AGBL4: variants seen among roughly 807,000 people sequenced by gnomAD.
AGBL4 encodes AGBL carboxypeptidase 4, also known as cytosolic carboxypeptidase 6.
In AGBL4, 58 loss-of-function variants were observed where a neutral mutation model predicts 66.4. The ratio of observed to expected loss-of-function variants is 0.87; its 90% CI spans 0.71 to 1.09. The LOEUF (loss-of-function observed/expected upper bound fraction) is 1.09, where lower values mean the gene tolerates loss of function less well. Ranked by LOEUF, AGBL4 falls within the 50% of genes least tolerant of loss-of-function variation. The pLI is 0.00. For missense variants in AGBL4, 579 were observed against 631.0 expected, an observed-to-expected ratio of 0.92 and a Z score of 0.88; for synonymous variants, 234 against 222.9, an observed-to-expected ratio of 1.05 and a Z score of -0.44.
Position 48,654,169 on chromosome 1 carries a change from T to G in AGBL4, c.725-718A>C, listed in dbSNP as rs547587226. ...CCAGGCAGTCCCCATGTCCTTTTCTTGAATGGAGCAAATCTTCCCCTCTTC... is the reference window on the plus strand; with the variant it reads ...CCAGGCAGTCCCCATGTCCTTTTCTGGAATGGAGCAAATCTTCCCCTCTTC... On this transcript the variant is annotated intron_variant, in intron 7 of 13. Transcript: ENST00000371839. Among the ~76,000 whole-genome samples the G allele has an allele frequency of 1.4e-3, 215 of 152,280 alleles. 3 individuals are homozygous for G. The South Asian group carries it at 0.04, about 29-fold the overall frequency.
intron 3 of AGBL4, among the ~76,000 whole-genome samples, chr1:49,352,934 C>G (rs1325841780): frequency 1.3e-5 from 2 of 152,178 alleles, no homozygotes; most frequent in African/African-American, 4.8e-5. Context: ...GTAACACTGC[C>G]TCTATCTTTA....
chr1:48,977,730 G>A (rs963709011), intron 5 of AGBL4, among the ~76,000 whole-genome samples: 1 of 152,102 alleles, frequency 6.6e-6, no homozygotes, highest in South Asian at 2.1e-4. Context: ...GTATTGGCTG[G>A]GGAGACTGAT....
At chr1:49,279,573 T>G (rs1259693050) in intron 3 of AGBL4, among the ~76,000 whole-genome samples, 1 of 152,126 alleles carries the variant, frequency 6.6e-6, no homozygotes, top group Admixed American at 6.5e-5. Flanking sequence ...CGTCTTTTTT[T>G]TTTTCAGCTA....
chr1:49,512,686 C>T (rs982899111), intron 3 of AGBL4, among the ~76,000 whole-genome samples: 5 of 151,864 alleles, frequency 3.3e-5, no homozygotes, highest in African/African-American at 1.2e-4. Flanking sequence ...GAACCATGAG[C>T]CAATTAAACC....
chr1:48,583,855 T>TC (rs1181332685), intron 11 of AGBL4: 1 of 149,734 alleles, frequency 6.7e-6, no homozygotes, highest in Non-Finnish European at 1.5e-5. Flanking sequence ...AAATGAGAGT[T>TC]TTTTTTTTTT....
intron 1 of AGBL4, among the ~76,000 whole-genome samples, chr1:49,981,742 G>A (rs1340596874): frequency 6.6e-6 from 1 of 152,088 alleles, no homozygotes; most frequent in Non-Finnish European, 1.5e-5. Flanking sequence ...GATAATAAAT[G>A]TGTGCTATTA....
chr1:49,033,319 A>T (rs1204379041), intron 5 of AGBL4, among the ~76,000 whole-genome samples: 1 of 152,142 alleles, frequency 6.6e-6, no homozygotes, highest in Non-Finnish European at 1.5e-5. Context: ...TGAGAGGTGG[A>T]TTAGGGGCTG....
At chr1:49,853,106 A>C (rs553596699) in intron 1 of AGBL4, among the ~76,000 whole-genome samples, 1 of 152,336 alleles carries the variant, frequency 6.6e-6, no homozygotes, top group African/African-American at 2.4e-5. Context: ...AGACATAGCC[A>C]AAATATCAAG....
At chr1:49,267,291 G>A (rs1643943461) in intron 3 of AGBL4, among the ~76,000 whole-genome samples, 1 of 152,164 alleles carries the variant, frequency 6.6e-6, no homozygotes, top group Non-Finnish European at 1.5e-5. Context: ...ACTGAGATCA[G>A]GGCAAAATCC....
chr1:49,345,440 T>A (rs1254184293), intron 3 of AGBL4, among the ~76,000 whole-genome samples: 1 of 152,120 alleles, frequency 6.6e-6, no homozygotes, highest in African/African-American at 2.4e-5. Flanking sequence ...TGATGAATAC[T>A]CTTTAATGTA....
intron 3 of AGBL4, among the ~76,000 whole-genome samples, chr1:49,544,135 T>C (rs1652291928): frequency 6.6e-6 from 1 of 152,210 alleles, no homozygotes; most frequent in South Asian, 2.1e-4. Flanking sequence ...TTTTCAGGAA[T>C]GCCCTGCTTT....
intron 3 of AGBL4, among the ~76,000 whole-genome samples, chr1:49,470,702 G>A (rs979263020): frequency 1.3e-5 from 2 of 151,958 alleles, no homozygotes; most frequent in Non-Finnish European, 2.9e-5. Context: ...ATAATCTGAC[G>A]ACCTGGAAGT....
intron 5 of AGBL4, among the ~76,000 whole-genome samples, chr1:48,986,941 C>T (rs1660222457): frequency 6.6e-6 from 1 of 151,802 alleles, no homozygotes. Context: ...ATACTACAAA[C>T]CCTACATAAG....
chr1:49,637,947 T>C (rs1328515875), intron 3 of AGBL4, among the ~76,000 whole-genome samples: 1 of 152,132 alleles, frequency 6.6e-6, no homozygotes, highest in Non-Finnish European at 1.5e-5. Flanking sequence ...AAAATATATT[T>C]CTAAACTAAT....
intron 3 of AGBL4, among the ~76,000 whole-genome samples, chr1:49,612,567 A>T (rs1328281699): frequency 6.6e-6 from 1 of 152,228 alleles, no homozygotes; most frequent in Non-Finnish European, 1.5e-5. Flanking sequence ...AAGTGGGCAA[A>T]GGACATGAAC....
chr1:48,544,994 G>A (rs766917531), intron 11 of AGBL4, among the ~76,000 whole-genome samples: 13 of 152,306 alleles, frequency 8.5e-5, no homozygotes, highest in South Asian at 8.3e-4. Context: ...GAGCCATTTC[G>A]TTTCCCTGAG....
intron 3 of AGBL4, among the ~76,000 whole-genome samples, chr1:49,342,754 AT>A (rs1273377620): frequency 6.6e-6 from 1 of 152,116 alleles, no homozygotes; most frequent in Non-Finnish European, 1.5e-5. Context: ...TTTGCCATTT[AT>A]TGATTCTTTT....
chr1:49,877,161 G>A (rs1014792926), intron 1 of AGBL4, among the ~76,000 whole-genome samples: 1 of 151,408 alleles, frequency 6.6e-6, no homozygotes, highest in African/African-American at 2.4e-5. Flanking sequence ...TCCGTCTCCT[G>A]TGTGATTGCC....
chr1:48,632,518 G>T (rs1442853184), intron 9 of AGBL4, among the ~76,000 whole-genome samples: 1 of 151,978 alleles, frequency 6.6e-6, no homozygotes, highest in Non-Finnish European at 1.5e-5. Flanking sequence ...CTCTCTTTGG[G>T]GATTTAACTA....
Sources: allele counts gnomAD v4.1 joint callset (sites outside exome capture counted in the v4.1 genomes callset), GRCh38; gene constraint gnomAD v4.1.1; transcripts MANE v1.5; gene names NCBI Gene and HGNC (gene_info 2026-07-23, HGNC 2026-07-21).